WWP2: variants seen among roughly 807,000 people sequenced by gnomAD.
WWP2 encodes the protein NEDD4-like E3 ubiquitin-protein ligase WWP2.
WWP2 carries 57 observed loss-of-function variants against 121.0 expected under a neutral mutation model. That is an observed-to-expected ratio of 0.47 (90% CI 0.38 to 0.59). WWP2 has a LOEUF of 0.59. Among genes scored for constraint, WWP2 ranks in the 20% least tolerant of loss-of-function variants. The pLI is 0.00. For synonymous variants in WWP2, 449 were observed against 441.3 expected (o/e 1.02, Z -0.22); for missense variants, 962 against 1,158.9 (o/e 0.83, Z 2.47).
chr16:69,878,344 T>C (rs2057770361), intron 7 of WWP2, among the ~76,000 whole-genome samples: 1 of 152,212 alleles, frequency 6.6e-6, no homozygotes, highest in Non-Finnish European at 1.5e-5. Flanking sequence ...GATGTCAGGT[T>C]GCCACAAGCC....
chr16:69,911,152 G>A (rs144393729), intron 9 of WWP2, among the ~76,000 whole-genome samples: 227 of 152,310 alleles, frequency 1.5e-3, no homozygotes, highest in African/African-American at 5.2e-3. Context: ...TAGTCCCTGG[G>A]GAGCAAGATT....
chr16:69,933,281 A>C (rs529175769), intron 16 of WWP2: 1 of 374,330 alleles, frequency 2.7e-6, no homozygotes, highest in East Asian at 7.4e-5. Context: ...CTCAAGCCCA[A>C]AAGGACTCTG....
intron 1 of WWP2, among the ~76,000 whole-genome samples, chr16:69,779,302 A>G (rs574729479): frequency 6.6e-6 from 1 of 152,318 alleles, no homozygotes; most frequent in Admixed American, 6.5e-5. Context: ...TACAATTCCA[A>G]ATGCCTACAT....
At position 69,931,956 on chromosome 16, in the gene WWP2, A is replaced by G; in HGVS notation, c.1682+66A>G. ...TCCCCAGGCTACAGCATCAATGGCC[A>G]GAAAGCTGCCTGCCCCCTGCTCACA... On this transcript the variant is annotated intron_variant, in intron 16 of 23. Transcript: ENST00000359154. 3 of 1,460,780 alleles carry G rather than the reference A, an allele frequency of 2.1e-6. No individual in the cohort carries two copies. In the South Asian group the frequency reaches 3.7e-5, roughly 18 times the overall value. 90.5% of individuals were successfully genotyped at this position (1,460,780 alleles called of 1,614,324 possible).
rs531433458 is a variant in WWP2 at position 69,935,566 on chromosome 16, C to T, written c.1843-287C>T. Among the ~76,000 whole-genome samples the T allele has an allele frequency of 2.0e-5, 3 of 152,346 alleles. No homozygotes were observed. Among genetic ancestry groups the T allele is most frequent in the Admixed American group, 6.5e-5 (1 of 15,308 alleles). ...GCTAGGCCAGGAGCCAGCCGGCCAG[C>T]GTGCGGGGCAGATGCGGGCCCGGAC... On this transcript the variant is annotated intron_variant, in intron 17 of 23. Coordinates refer to ENST00000359154, the MANE Select transcript of WWP2 (RefSeq NM_001270454.2). The surrounding 1 kb of genome is among the most constrained non-coding windows in gnomAD (Gnocchi z 5.2).
intron 4 of WWP2, among the ~76,000 whole-genome samples, chr16:69,831,106 G>A (rs903720980): frequency 5.3e-5 from 8 of 152,188 alleles, no homozygotes; most frequent in African/African-American, 1.9e-4. Flanking sequence ...TATGTTAATG[G>A]CCAAATCAGT....
chr16:69,905,688 A>C (rs1005529098), intron 8 of WWP2, among the ~76,000 whole-genome samples: 1 of 152,218 alleles, frequency 6.6e-6, no homozygotes, highest in African/African-American at 2.4e-5. Flanking sequence ...TCTTGATCCT[A>C]CCTCAATGCC....
At chr16:69,883,567 C>T (rs887056851) in intron 7 of WWP2, among the ~76,000 whole-genome samples, 7 of 152,114 alleles carry the variant, frequency 4.6e-5, no homozygotes, top group Admixed American at 2.0e-4. Flanking sequence ...CACAAACTTT[C>T]TTTTTTTCAA....
At chr16:69,871,999 C>T (rs1485150300) in intron 7 of WWP2, 68 bp downstream of exon 7, 15 of 1,541,754 alleles carry the variant, frequency 9.7e-6, no homozygotes, top group East Asian at 9.6e-5. Context: ...AACGTGGACA[C>T]GGGATCCTGC....
chr16:69,888,912 G>T lies in WWP2; in HGVS notation c.914+663G>T, dbSNP rs188408452. On this transcript the variant is annotated intron_variant, in intron 8 of 23. Transcript: ENST00000359154. ...GTAGAGATATGGTTTCGCCCTGTTG[G>T]CCAGGCTGGTCTCGAACTCCTGACC... is the stretch of plus-strand genomic sequence containing the variant. 2.5e-3 allele frequency among the ~76,000 whole-genome samples: 387 copies of T among 152,216 alleles called. 2 individuals carry two copies. Among genetic ancestry groups the T allele is most frequent in the African/African-American group, 9.0e-3 (372 of 41,534 alleles).
intron 4 of WWP2, among the ~76,000 whole-genome samples, chr16:69,809,209 G>A (rs113971505): frequency 3.3e-5 from 5 of 152,132 alleles, no homozygotes; most frequent in African/African-American, 1.2e-4. Flanking sequence ...CAGGGCAGTG[G>A]GCTTTTTCTT....
At chr16:69,922,005 C>G (rs1418268195) in intron 10 of WWP2, among the ~76,000 whole-genome samples, 1 of 147,966 alleles carries the variant, frequency 6.8e-6, no homozygotes, top group African/African-American at 2.5e-5. Context: ...ACTCGGGAGG[C>G]AGAGGTTGGT....
chr16:69,854,768 C>G (rs577184327), intron 6 of WWP2, among the ~76,000 whole-genome samples: 1 of 152,312 alleles, frequency 6.6e-6, no homozygotes, highest in East Asian at 1.9e-4. Flanking sequence ...TCATGCTGGT[C>G]TCGAACTCCT....
intron 8 of WWP2, among the ~76,000 whole-genome samples, chr16:69,893,211 T>G (rs1297390227): frequency 6.6e-6 from 1 of 152,202 alleles, no homozygotes; most frequent in African/African-American, 2.4e-5. Context: ...CAAGAAGAAG[T>G]GTGTCCTTCC....
rs1458320585 is a variant in WWP2 at position 69,840,166 on chromosome 16, C to T, written c.381C>T (p.Asn127=). The stretch of plus-strand genomic sequence containing the variant: ...TGACCCTGAACCTGCAGACGGAGAA[C>T]AAAGGCAGCGTTGTCTCAGGCGGAG... ...MQLTLNLQTE[N]KGSVVSGGEL... The change falls in exon 5 of 24, where the codon AAC becomes AAT. Residue 127 remains asparagine, a synonymous_variant. Transcript: ENST00000359154. The T allele has an allele frequency of 1.2e-6, 2 of 1,614,250 alleles. No individual in the cohort carries two copies. The highest frequency in any genetic ancestry group is 1.1e-5 in the South Asian group (1 of 91,086).
chr16:69,886,888 A>G (rs1319352872), intron 7 of WWP2, among the ~76,000 whole-genome samples: 2 of 152,228 alleles, frequency 1.3e-5, no homozygotes, highest in Non-Finnish European at 2.9e-5. Flanking sequence ...GGATACAACA[A>G]AAAGAATTTC....
At chr16:69,780,529 G>A (rs1251019286) in intron 1 of WWP2, among the ~76,000 whole-genome samples, 4 of 152,158 alleles carry the variant, frequency 2.6e-5, no homozygotes, top group Non-Finnish European at 2.9e-5. Flanking sequence ...AAAATTACGC[G>A]TCTTTAACTC....
chr16:69,856,772 T>G (rs2057321545), intron 6 of WWP2, among the ~76,000 whole-genome samples: 1 of 151,296 alleles, frequency 6.6e-6, no homozygotes, highest in South Asian at 2.1e-4. Flanking sequence ...AGACTCTATC[T>G]CAAAAATAAA....
chr16:69,932,141 C>G (rs1171196528), intron 16 of WWP2, among the ~76,000 whole-genome samples: 1 of 152,170 alleles, frequency 6.6e-6, no homozygotes, highest in Non-Finnish European at 1.5e-5. Context: ...ACCAGCCTGA[C>G]CAACATGGAG....
Sources: allele counts gnomAD v4.1 joint callset (sites outside exome capture counted in the v4.1 genomes callset), GRCh38; gene constraint gnomAD v4.1.1; non-coding constraint Gnocchi (gnomAD v3.1); transcripts MANE v1.5; gene names NCBI Gene and HGNC (gene_info 2026-07-23, HGNC 2026-07-21).